Variants in COX7B2 observed in about 807,000 individuals in gnomAD.
COX7B2 encodes the protein cytochrome c oxidase subunit 7B2, mitochondrial.
For synonymous variants in COX7B2, 37 were observed against 32.1 expected (o/e 1.15, Z -0.51); for missense variants, 109 against 95.9 (o/e 1.14, Z -0.57).
At chr4:46,866,788 A>G (rs1014764348) in intron 1 of COX7B2, among the ~76,000 whole-genome samples, 1 of 152,130 alleles carries the variant, frequency 6.6e-6, no homozygotes, top group Non-Finnish European at 1.5e-5. Flanking sequence ...TTACAAATGT[A>G]ATAGTGTTGC....
At chr4:46,737,030 T>A (rs1714409336) in intron 2 of COX7B2, among the ~76,000 whole-genome samples, 1 of 152,208 alleles carries the variant, frequency 6.6e-6, no homozygotes, top group Non-Finnish European at 1.5e-5. Flanking sequence ...ACTGCCTAAC[T>A]GCCTTCCAAA....
Position 46,896,285 on chromosome 4 carries a change from A to G in COX7B2, c.-105+12875T>C, listed in dbSNP as rs527505574. Among the ~76,000 whole-genome samples, 14 of 152,302 alleles carry G rather than the reference A, an allele frequency of 9.2e-5. No homozygotes were observed. The South Asian group carries it at 2.7e-3, about 29-fold the overall frequency. On this transcript the variant is annotated intron_variant, in intron 1 of 2. Transcript: ENST00000355591. ...AAATTCTGCAATGCACCTTTTGTTT[A>G]TGGAAATCTCTATCTCAGTAGTACC...
chr4:46,787,881 T>C (rs4478161), intron 2 of COX7B2, among the ~76,000 whole-genome samples: 58,355 of 151,970 alleles, frequency 0.38, 11,442 homozygotes, highest in South Asian at 0.52. Flanking sequence ...TATCTAATTG[T>C]TGACCACCCA....
chr4:46,861,095 T>C (rs933682960), intron 1 of COX7B2, among the ~76,000 whole-genome samples: 1 of 152,208 alleles, frequency 6.6e-6, no homozygotes, highest in Non-Finnish European at 1.5e-5. Context: ...GGTTCATTTA[T>C]TCCTTAGTTT....
At chr4:46,758,536 T>C (rs1037359663) in intron 2 of COX7B2, among the ~76,000 whole-genome samples, 1 of 152,066 alleles carries the variant, frequency 6.6e-6, no homozygotes, top group Non-Finnish European at 1.5e-5. Flanking sequence ...AAGGGAAAAA[T>C]AACAAAGAGG....
intron 2 of COX7B2, among the ~76,000 whole-genome samples, chr4:46,823,189 A>G (rs975493190): frequency 1.3e-5 from 2 of 152,080 alleles, no homozygotes; most frequent in Non-Finnish European, 2.9e-5. Flanking sequence ...CTGGGTGGGA[A>G]ATAGCCACTA....
intron 2 of COX7B2, among the ~76,000 whole-genome samples, chr4:46,784,619 T>C (rs1717655532): frequency 6.6e-6 from 1 of 151,930 alleles, no homozygotes; most frequent in Non-Finnish European, 1.5e-5. Context: ...GGCAAGACTG[T>C]CTCAAAAAAA....
At chr4:46,850,487 C>T (rs1196121140) in intron 1 of COX7B2, among the ~76,000 whole-genome samples, 2 of 151,910 alleles carry the variant, frequency 1.3e-5, no homozygotes, top group Non-Finnish European at 2.9e-5. Context: ...ACAATGTATT[C>T]AAATAATATA....
intron 2 of COX7B2, among the ~76,000 whole-genome samples, chr4:46,830,864 G>A (rs978248384): frequency 2.2e-4 from 34 of 152,354 alleles, no homozygotes; most frequent in Middle Eastern, 3.4e-3. Flanking sequence ...GAAAGTGAGA[G>A]GTGACAGCAT....
intron 1 of COX7B2, among the ~76,000 whole-genome samples, chr4:46,849,631 G>T (rs1396558767): frequency 6.6e-6 from 1 of 151,986 alleles, no homozygotes; most frequent in Non-Finnish European, 1.5e-5. Context: ...GCTAAATAAG[G>T]TATTACATAA....
intron 2 of COX7B2, among the ~76,000 whole-genome samples, chr4:46,743,948 C>T (rs544674111): frequency 6.6e-6 from 1 of 152,232 alleles, no homozygotes; most frequent in East Asian, 1.9e-4. Flanking sequence ...ACATAAGATT[C>T]AAGGAGTACA....
chr4:46,826,848 T>C (rs907635261), intron 2 of COX7B2, among the ~76,000 whole-genome samples: 1 of 151,868 alleles, frequency 6.6e-6, no homozygotes, highest in African/African-American at 2.4e-5. Flanking sequence ...CAACAGGCAC[T>C]GGGATCTACT....
intron 1 of COX7B2, among the ~76,000 whole-genome samples, chr4:46,848,940 T>C (rs1237478871): frequency 6.6e-6 from 1 of 152,070 alleles, no homozygotes; most frequent in African/African-American, 2.4e-5. Flanking sequence ...CTGTATACTT[T>C]AAATCATCTT....
intron 2 of COX7B2, among the ~76,000 whole-genome samples, chr4:46,790,892 G>C (rs1307709947): frequency 6.6e-6 from 1 of 152,204 alleles, no homozygotes; most frequent in African/African-American, 2.4e-5. Context: ...TGAAATTCCA[G>C]TGAGAGTGAA....
intron 2 of COX7B2, among the ~76,000 whole-genome samples, chr4:46,807,155 C>T (rs1719043524): frequency 6.6e-6 from 1 of 151,942 alleles, no homozygotes; most frequent in African/African-American, 2.4e-5. Flanking sequence ...GATCCCTCTT[C>T]TCCACACCCT....
intron 2 of COX7B2, among the ~76,000 whole-genome samples, chr4:46,776,067 T>C (rs1442506490): frequency 1.3e-5 from 2 of 152,068 alleles, no homozygotes; most frequent in African/African-American, 4.8e-5. Flanking sequence ...GATAAACCAG[T>C]AAATAAGACA....
chr4:46,882,778 A>G (rs544368625), intron 1 of COX7B2, among the ~76,000 whole-genome samples: 1 of 152,320 alleles, frequency 6.6e-6, no homozygotes, highest in East Asian at 1.9e-4. Flanking sequence ...CTTATTACAT[A>G]AAGAATGTGT....
intron 2 of COX7B2, among the ~76,000 whole-genome samples, chr4:46,771,587 AGT>A (rs1716882533): frequency 6.6e-6 from 1 of 151,898 alleles, no homozygotes; most frequent in Non-Finnish European, 1.5e-5. Context: ...TACAGTTTTG[AGT>A]ATCCCTAATC....
At chr4:46,847,248 T>C (rs1201558163) in intron 1 of COX7B2, among the ~76,000 whole-genome samples, 2 of 151,994 alleles carry the variant, frequency 1.3e-5, no homozygotes, top group Non-Finnish European at 2.9e-5. Flanking sequence ...ACCAATAGAA[T>C]ATGTGACGGT....
Sources: allele counts gnomAD v4.1 joint callset (sites outside exome capture counted in the v4.1 genomes callset), GRCh38; gene constraint gnomAD v4.1.1; transcripts MANE v1.5; gene names NCBI Gene and HGNC (gene_info 2026-07-23, HGNC 2026-07-21).